Variants in OTUD7A observed in about 807,000 individuals in gnomAD.
The protein encoded by OTUD7A is OTU deubiquitinase 7A, also known as OTU domain-containing protein 7A.
In OTUD7A, 12 loss-of-function variants were observed where a neutral mutation model predicts 65.7. The ratio of observed to expected loss-of-function variants is 0.18; its 90% CI spans 0.12 to 0.30. The LOEUF (loss-of-function observed/expected upper bound fraction) is 0.30, where lower values mean the gene tolerates loss of function less well. OTUD7A is among the 10% of genes least tolerant of loss of function. OTUD7A has a pLI of 1.00. For synonymous variants in OTUD7A, 641 were observed against 586.3 expected, an observed-to-expected ratio of 1.09 and a Z score of -1.35; for missense variants, 1,148 against 1,304.8, an observed-to-expected ratio of 0.88 and a Z score of 1.85.
intron 3 of OTUD7A, among the ~76,000 whole-genome samples, chr15:31,631,607 C>A (rs1165111866): frequency 6.6e-6 from 1 of 152,116 alleles, no homozygotes; most frequent in Admixed American, 6.5e-5. Flanking sequence ...GTGGCGTTCT[C>A]TGTATTTCCT....
At chr15:31,558,868 G>A (rs1373808880) in intron 5 of OTUD7A, 101 bp downstream of exon 5, 2 of 1,306,688 alleles carry the variant, frequency 1.5e-6, no homozygotes, top group South Asian at 2.6e-5. Flanking sequence ...ACTGCCCAGA[G>A]TCTGAGAACA....
chr15:31,587,364 G>A (rs960892203), intron 3 of OTUD7A, among the ~76,000 whole-genome samples: 1 of 152,060 alleles, frequency 6.6e-6, no homozygotes, highest in African/African-American at 2.4e-5. Flanking sequence ...TTGGCCGGGC[G>A]CGGTGGCTCA....
intron 1 of OTUD7A, among the ~76,000 whole-genome samples, chr15:31,802,732 G>A (rs552991614): frequency 1.3e-5 from 2 of 152,186 alleles, no homozygotes; most frequent in African/African-American, 2.4e-5. Context: ...TTAATAGACC[G>A]GCTTATTTTA....
chr15:31,624,776 T>C (rs1020982050), intron 3 of OTUD7A, among the ~76,000 whole-genome samples: 6 of 152,110 alleles, frequency 3.9e-5, no homozygotes, highest in Admixed American at 2.6e-4. Context: ...ACTCAGGATG[T>C]TCTGACTGGC....
intron 12 of OTUD7A, among the ~76,000 whole-genome samples, chr15:31,485,143 C>A (rs1251733892): frequency 6.6e-6 from 1 of 152,168 alleles, no homozygotes; most frequent in African/African-American, 2.4e-5. Flanking sequence ...GGCCTTCCCC[C>A]ACTGGCAAGG....
Position 31,484,099 on chromosome 15 carries a change from G to C in OTUD7A, c.1997C>G (p.Thr666Arg). 1 of 1,603,284 alleles carries C rather than the reference G, an allele frequency of 6.2e-7. No individual in the cohort carries two copies. Among genetic ancestry groups the C allele is most frequent in the Non-Finnish European group, 8.5e-7 (1 of 1,179,002 alleles). Residue 666 changes from threonine (T) to arginine (R), a missense_variant, in exon 13 of 13, where the codon ACG becomes AGG. Physicochemically the swap from Thr to Arg is moderately conservative, Grantham distance 71. Around this residue, in one of 6 missense-constraint regions of OTUD7A, gnomAD observed 842 missense variants for 769.5 expected, o/e 1.09. Coordinates refer to ENST00000307050, the MANE Select transcript of OTUD7A (RefSeq NM_001382637.1). The surrounding 1 kb of genome is among the most constrained non-coding windows in gnomAD (Gnocchi z 4.5). ...FHEEMIGYYLTSAQERFSAEQ... is the reference protein window; with the variant it reads ...FHEEMIGYYLRSAQERFSAEQ... ...GGCGCTGAAGCGCTCCTGCGCGCTC[G>C]TCAGGTAGTAGCCGATCATCTCCTC...
At chr15:31,780,408 G>C (rs796866617) in intron 1 of OTUD7A, among the ~76,000 whole-genome samples, 21 of 152,320 alleles carry the variant, frequency 1.4e-4, no homozygotes, top group African/African-American at 5.1e-4. Flanking sequence ...AATAAAAAAA[G>C]TATAAAAAAC....
At chr15:31,668,693 T>C (rs936718029) in intron 1 of OTUD7A, among the ~76,000 whole-genome samples, 2 of 152,178 alleles carry the variant, frequency 1.3e-5, no homozygotes, top group Non-Finnish European at 2.9e-5. Flanking sequence ...GCTGGTGAAC[T>C]AGTGTGATTT....
At chr15:31,770,106 G>C (rs1217281990) in intron 1 of OTUD7A, among the ~76,000 whole-genome samples, 1 of 151,982 alleles carries the variant, frequency 6.6e-6, no homozygotes, top group Non-Finnish European at 1.5e-5. Context: ...GACCAGAACA[G>C]AAAACAGAAA....
At chr15:31,753,719 TATTATATA>T (rs1202597541) in intron 1 of OTUD7A, among the ~76,000 whole-genome samples, 15 of 100,508 alleles carry the variant, frequency 1.5e-4, no homozygotes, top group African/African-American at 2.9e-4. Flanking sequence ...TATATATATA[TATTATATA>T]TATATATATA....
chr15:31,867,659 A>T (rs1897912793), intron 1 of OTUD7A, among the ~76,000 whole-genome samples: 1 of 152,208 alleles, frequency 6.6e-6, no homozygotes, highest in Admixed American at 6.5e-5. Flanking sequence ...CCAGGACACC[A>T]GCCTGTAGTT....
At chr15:31,831,619 C>T (rs966179408) in intron 1 of OTUD7A, among the ~76,000 whole-genome samples, 1 of 152,176 alleles carries the variant, frequency 6.6e-6, no homozygotes, top group African/African-American at 2.4e-5. Context: ...CTCTGTGACC[C>T]GATACCATTC....
At chr15:31,656,663 C>T (rs34210164) in intron 2 of OTUD7A, among the ~76,000 whole-genome samples, 13,078 of 151,610 alleles carry the variant, frequency 0.086, 1,431 homozygotes, top group African/African-American at 0.26. Flanking sequence ...TCACAGTAAC[C>T]CACTGGGATG....
Position 31,506,454 on chromosome 15 carries a change from G to C in OTUD7A, c.894-2636C>G, listed in dbSNP as rs4477655. On this transcript the variant is annotated intron_variant, in intron 8 of 12. Transcript: ENST00000307050. ...AATTTATTTGAAATTTTTTTTACAG[G>C]ATTTTAATAGCATTTATATAAACTT... Among the ~76,000 whole-genome samples the C allele has an allele frequency of 6.9e-3, 1,050 of 152,098 alleles. 9 individuals carry two copies. The highest frequency in any genetic ancestry group is 0.024 in the African/African-American group (1,000 of 41,472).
chr15:31,847,212 C>G (rs748930526), intron 1 of OTUD7A, among the ~76,000 whole-genome samples: 1 of 152,212 alleles, frequency 6.6e-6, no homozygotes, highest in Non-Finnish European at 1.5e-5. Context: ...AAATACAGTT[C>G]ATACATGCTG....
At chr15:31,486,928 A>T (rs576381769) in intron 12 of OTUD7A, among the ~76,000 whole-genome samples, 1 of 152,352 alleles carries the variant, frequency 6.6e-6, no homozygotes, top group African/African-American at 2.4e-5. Flanking sequence ...GCTTGCATGC[A>T]CACATGCCTA....
chr15:31,625,173 T>G (rs945242677), intron 3 of OTUD7A, among the ~76,000 whole-genome samples: 2 of 152,132 alleles, frequency 1.3e-5, no homozygotes, highest in Non-Finnish European at 2.9e-5. Flanking sequence ...AGTGAAGAAT[T>G]GAGGCCACCA....
chr15:31,558,660 G>T (rs745696516), intron 5 of OTUD7A: 11 of 416,808 alleles, frequency 2.6e-5, no homozygotes, highest in Non-Finnish European at 3.9e-5. Context: ...CGGAGGAGTT[G>T]TCTGGGGAAA....
chr15:31,798,773 C>G (rs1896040857), intron 1 of OTUD7A, among the ~76,000 whole-genome samples: 1 of 152,240 alleles, frequency 6.6e-6, no homozygotes, highest in South Asian at 2.1e-4. Context: ...GCCCCCACGG[C>G]CCCAGAGGCC....
Sources: gnomAD v4.1 joint callset for allele counts (sites outside exome capture counted in the v4.1 genomes callset) on GRCh38, gnomAD v4.1.1 for gene constraint, gnomAD v4.1.1 regional missense constraint, Gnocchi (gnomAD v3.1) non-coding constraint, MANE v1.5 for transcripts, NCBI Gene and HGNC (gene_info 2026-07-23, HGNC 2026-07-21) for gene names.